TOPBP1: variants seen among roughly 807,000 people sequenced by gnomAD.
TOPBP1 encodes DNA topoisomerase II binding protein 1.
Under a neutral mutation model 167.7 loss-of-function variants are expected in TOPBP1, and 28 were observed. The ratio of observed to expected loss-of-function variants is 0.17; its 90% CI spans 0.12 to 0.23. The LOEUF is 0.23. Among genes scored for constraint, TOPBP1 ranks in the 10% least tolerant of loss-of-function variants. The probability of loss-of-function intolerance (pLI) is 1.00; values close to 1 mark genes in which losing one functional copy is unlikely to be tolerated. For synonymous variants in TOPBP1, 598 were observed against 611.4 expected, an observed-to-expected ratio of 0.98 and a Z score of 0.32; for missense variants, 1,554 against 1,809.6, an observed-to-expected ratio of 0.86 and a Z score of 2.56.
intron 17 of TOPBP1, 45 bp downstream of exon 17, chr3:133,624,007 A>G: frequency 1.3e-6 from 2 of 1,579,924 alleles, no homozygotes; most frequent in Non-Finnish European, 1.7e-6. Flanking sequence ...ATGTTTGTAT[A>G]CATTTTCAAT....
At chr3:133,645,296 T>C (rs1936037160) in intron 10 of TOPBP1, among the ~76,000 whole-genome samples, 1 of 152,212 alleles carries the variant, frequency 6.6e-6, no homozygotes. Context: ...AGCATAGTTT[T>C]GTCTAGGGAG....
chr3:133,655,516 A>T (rs764018130), intron 5 of TOPBP1, 30 bp from the exon 6 acceptor site: 13 of 1,212,622 alleles, frequency 1.1e-5, no homozygotes, highest in Non-Finnish European at 1.4e-5. Flanking sequence ...AAAAAAGAAC[A>T]TATTAAATTT....
At chr3:133,646,073 G>A (rs762609940) in intron 10 of TOPBP1, among the ~76,000 whole-genome samples, 2 of 151,840 alleles carry the variant, frequency 1.3e-5, no homozygotes, top group Non-Finnish European at 2.9e-5. Context: ...CTTGAACCCA[G>A]AAGGCAGAGG....
At chr3:133,622,185 G>GCTTT (rs765836012) in intron 19 of TOPBP1, among the ~76,000 whole-genome samples, 9 of 106,436 alleles carry the variant, frequency 8.5e-5, no homozygotes, top group African/African-American at 2.2e-4. Context: ...CACCATTTAT[G>GCTTT]TTTTTTTTTT....
intron 21 of TOPBP1, 146 bp from the exon 22 acceptor site, chr3:133,617,472 C>G: frequency 1.2e-6 from 1 of 808,142 alleles, no homozygotes; most frequent in Non-Finnish European, 1.7e-6. Flanking sequence ...GTATCCTATC[C>G]CCAGAACTTA....
intron 16 of TOPBP1, 125 bp from the exon 17 acceptor site, chr3:133,624,300 G>T: frequency 9.2e-7 from 1 of 1,092,674 alleles, no homozygotes; most frequent in Non-Finnish European, 1.3e-6. Context: ...GAGTAAACAA[G>T]ACCATTAAAA....
chr3:133,654,093 C>T (rs1442981306), intron 6 of TOPBP1, among the ~76,000 whole-genome samples: 1 of 152,080 alleles, frequency 6.6e-6, no homozygotes. Flanking sequence ...GAGGTTTTAT[C>T]TTTTATACAA....
At chr3:133,656,218 G>A in intron 5 of TOPBP1, among the ~76,000 whole-genome samples, 1 of 151,800 alleles carries the variant, frequency 6.6e-6, no homozygotes, top group East Asian at 1.9e-4. Flanking sequence ...GGCTCAATTA[G>A]CATTTATTAA....
intron 6 of TOPBP1, among the ~76,000 whole-genome samples, chr3:133,653,803 T>A (rs1025565185): frequency 2.6e-5 from 4 of 152,070 alleles, no homozygotes; most frequent in Admixed American, 6.6e-5. Flanking sequence ...CTAATTTTTT[T>A]GTATTTTTAG....
intron 24 of TOPBP1, among the ~76,000 whole-genome samples, 158 bp downstream of exon 24, chr3:133,612,231 G>A (rs1934705968): frequency 6.6e-6 from 1 of 151,398 alleles, no homozygotes. Context: ...TAGTAGAGAG[G>A]GTTTCACCAT....
rs1349532743 is a variant in TOPBP1 at position 133,644,264 on chromosome 3, G to A, written c.1604C>T (p.Ser535Phe). The change falls in exon 11 of 28, where the codon TCT becomes TTT. Residue 535 changes from serine to phenylalanine, a missense_variant. Coordinates refer to ENST00000260810, the MANE Select transcript of TOPBP1 (RefSeq NM_007027.4). ...ATCAGGGACACAATGACTGACAGAA[G>A]ACTGGTTTTCTTCTTGCAAAGAAAT... Reference protein sequence around the residue: ...THISLQEENQSSVSHCVPDVS... With the variant: ...THISLQEENQFSVSHCVPDVS... 2 of 1,613,688 alleles carry A rather than the reference G, an allele frequency of 1.2e-6. No individual in the cohort carries two copies. Among genetic ancestry groups the A allele is most frequent in the African/African-American group, 2.7e-5 (2 of 74,938 alleles).
intron 14 of TOPBP1, among the ~76,000 whole-genome samples, chr3:133,629,171 AT>A (rs1238464412): frequency 6.6e-6 from 1 of 152,166 alleles, no homozygotes; most frequent in African/African-American, 2.4e-5. Context: ...AAAAAAAAAA[AT>A]CTTCAAAAGT....
intron 19 of TOPBP1, among the ~76,000 whole-genome samples, chr3:133,622,196 T>TG (rs1553723151): frequency 6.7e-6 from 1 of 148,602 alleles, no homozygotes; most frequent in Non-Finnish European, 1.5e-5. Flanking sequence ...TTTTTTTTTT[T>TG]TTTTTTTTTT....
intron 4 of TOPBP1, 88 bp downstream of exon 4, chr3:133,657,710 G>T: frequency 8.9e-7 from 1 of 1,127,714 alleles, no homozygotes; most frequent in Non-Finnish European, 1.2e-6. Context: ...TAAGCGGAAA[G>T]TCTTTTAAGC....
At chr3:133,638,733 A>G (rs916670089) in intron 13 of TOPBP1, among the ~76,000 whole-genome samples, 2 of 152,196 alleles carry the variant, frequency 1.3e-5, no homozygotes, top group Non-Finnish European at 2.9e-5. Flanking sequence ...CATGGATGCT[A>G]TTATCTTACA....
At chr3:133,643,975 C>A in intron 11 of TOPBP1, 45 bp downstream of exon 11, 1 of 1,504,126 alleles carries the variant, frequency 6.6e-7, no homozygotes, top group Non-Finnish European at 9.0e-7. Context: ...TCTTGGCATT[C>A]AGATATCCTT....
In TOPBP1 at chr3:133,640,069, G is replaced by C. The variant is rs749773986; in HGVS notation, c.2123C>G (p.Ala708Gly). ...KERGGSKYEA[A>G]KKWNLPAVTI... ...AACGGCAGGTAAATTCCACTTCTTT[G>C]CAGCTTCATATTTAGAGCCACCACG... Residue 708 changes from alanine to glycine, a missense_variant, in exon 13 of 28, where the codon GCA (alanine) becomes GGA (glycine). By Grantham distance (60) the Ala-to-Gly change is moderately conservative. Around this residue, in one of 3 missense-constraint regions of TOPBP1, gnomAD observed 1,197 missense variants for 1,351.5 expected, o/e 0.89. Transcript: ENST00000260810. 12 of 1,613,578 alleles carry C rather than the reference G, an allele frequency of 7.4e-6. No individual in the cohort carries two copies. The Admixed American group carries it at 1.3e-4, about 18-fold the overall frequency.
At position 133,601,338 on chromosome 3, in the gene TOPBP1, T is replaced by C; in HGVS notation, c.4481A>G (p.Gln1494Arg). ...TCCAGTCCCAAGTTCCTTATTATTC[T>C]GAATAAATGAAATAGCTTCTGGTAG... ...YCLPEAISFIQNNKELGTGLS... is the reference protein window; with the variant it reads ...YCLPEAISFIRNNKELGTGLS... The change falls in exon 28 of 28, where the codon CAG becomes CGG. Residue 1494 changes from glutamine (Q) to arginine (R), a missense_variant. Physicochemically the swap from Gln to Arg is conservative, Grantham distance 43. This residue lies in a region of TOPBP1 where 351 missense variants were observed against 432.9 expected (regional missense o/e 0.81). Transcript: ENST00000260810. The C allele has an allele frequency of 1.3e-6, 2 of 1,591,604 alleles. No homozygotes were observed. Among genetic ancestry groups the C allele is most frequent in the African/African-American group, 1.4e-5 (1 of 73,892 alleles).
chr3:133,623,503 A>G, intron 17 of TOPBP1, 46 bp from the exon 18 acceptor site: 1 of 1,548,138 alleles, frequency 6.5e-7, no homozygotes, highest in Non-Finnish European at 8.8e-7. Context: ...CAAAATCTTA[A>G]TGAATAGATG....
Sources: gnomAD v4.1 joint callset for allele counts (sites outside exome capture counted in the v4.1 genomes callset) on GRCh38, gnomAD v4.1.1 for gene constraint, gnomAD v4.1.1 regional missense constraint, MANE v1.5 for transcripts, NCBI Gene and HGNC (gene_info 2026-07-23, HGNC 2026-07-21) for gene names.